Variants in GIGYF2 observed in about 807,000 individuals in gnomAD.
The protein encoded by GIGYF2 is GRB10 interacting GYF protein 2.
Under a neutral mutation model 208.1 loss-of-function variants are expected in GIGYF2, and 25 were observed. The observed-to-expected ratio is 0.12, with a 90% CI of 0.09 to 0.17. The LOEUF is 0.17. Ranked by LOEUF, GIGYF2 falls within the 10% of genes least tolerant of loss-of-function variation. The probability of loss-of-function intolerance (pLI) is 1.00; values close to 1 mark genes in which losing one functional copy is unlikely to be tolerated. For synonymous variants in GIGYF2, 534 were observed against 543.8 expected, an observed-to-expected ratio of 0.98 and a Z score of 0.25; for missense variants, 1,302 against 1,579.4, an observed-to-expected ratio of 0.82 and a Z score of 2.98.
At chr2:232,788,524 C>T (rs768526539) in intron 9 of GIGYF2, 10 of 468,176 alleles carry the variant, frequency 2.1e-5, no homozygotes, top group Non-Finnish European at 4.0e-5. Flanking sequence ...AACAAGCATT[C>T]AGTGAAGAAT....
intron 3 of GIGYF2, among the ~76,000 whole-genome samples, 197 bp from the exon 4 acceptor site, chr2:232,747,418 T>C (rs1698185643): frequency 6.6e-6 from 1 of 152,212 alleles, no homozygotes; most frequent in Non-Finnish European, 1.5e-5. Context: ...CATGGTTGTC[T>C]AGTTATCTCT....
At chr2:232,838,969 A>C (rs897221454) in intron 22 of GIGYF2, among the ~76,000 whole-genome samples, 1 of 152,018 alleles carries the variant, frequency 6.6e-6, no homozygotes, top group Non-Finnish European at 1.5e-5. Flanking sequence ...AACTGTTTAT[A>C]CCTTTTATCC....
chr2:232,852,438 G>A (rs541668739), intron 28 of GIGYF2, among the ~76,000 whole-genome samples: 4 of 152,240 alleles, frequency 2.6e-5, no homozygotes, highest in African/African-American at 7.2e-5. Context: ...CCAGCTACTC[G>A]GGAAGCTGAG....
intron 21 of GIGYF2, among the ~76,000 whole-genome samples, chr2:232,821,430 C>G (rs1486455177): frequency 6.6e-6 from 1 of 152,224 alleles, no homozygotes; most frequent in Non-Finnish European, 1.5e-5. Context: ...GAACTCCTGA[C>G]CTCAGGTGAT....
At chr2:232,800,918 C>T (rs73102286) in intron 14 of GIGYF2, among the ~76,000 whole-genome samples, 14,444 of 151,586 alleles carry the variant, frequency 0.095, 956 homozygotes, top group East Asian at 0.18. Context: ...TGCTCTGTCA[C>T]GCAGTCTGCA....
At chr2:232,811,855 TATTGTCTC>T (rs1158068716) in intron 17 of GIGYF2, among the ~76,000 whole-genome samples, 1 of 152,232 alleles carries the variant, frequency 6.6e-6, no homozygotes, top group Non-Finnish European at 1.5e-5. Flanking sequence ...TTAAAAATCT[TATTGTCTC>T]ATTAAGCCAA....
At chr2:232,795,407 G>T (rs1700195029) in intron 13 of GIGYF2, among the ~76,000 whole-genome samples, 1 of 152,176 alleles carries the variant, frequency 6.6e-6, no homozygotes, top group Non-Finnish European at 1.5e-5. Flanking sequence ...TTCTACGAAA[G>T]AATTTCTCTT....
intron 25 of GIGYF2, 111 bp from the exon 26 acceptor site, chr2:232,845,621 T>G: frequency 1.0e-6 from 1 of 955,268 alleles, no homozygotes; most frequent in Non-Finnish European, 1.7e-6. Context: ...AGCATTGGAT[T>G]ATTTACTGGG....
At chr2:232,745,703 G>A (rs1189188682) in intron 3 of GIGYF2, among the ~76,000 whole-genome samples, 2 of 152,110 alleles carry the variant, frequency 1.3e-5, no homozygotes, top group Admixed American at 6.6e-5. Flanking sequence ...AGGAATGAAA[G>A]AATATAATCA....
chr2:232,836,350 T>G lies in GIGYF2; in HGVS notation c.2766+3257T>G, dbSNP rs373497031. Among the ~76,000 whole-genome samples the G allele has an allele frequency of 6.9e-4, 15 of 21,700 alleles. 1 individual carries two copies. The East Asian group carries it at 8.3e-3, about 12-fold the overall frequency. The allele number at this position is 21,700 out of a possible 152,430, so 14.2% of individuals were successfully genotyped here. Reference sequence around the variant, plus strand: ...TATATACATATATATACTTATATATTTATATATATAAATATAAATATATAT... The same window carrying G: ...TATATACATATATATACTTATATATGTATATATATAAATATAAATATATAT... On this transcript the variant is annotated intron_variant, in intron 22 of 28. Coordinates refer to ENST00000373563, the MANE Select transcript of GIGYF2 (RefSeq NM_001103146.3).
In GIGYF2 at chr2:232,774,569, A is replaced by G. The variant is rs187670936; in HGVS notation, c.533-12581A>G. Among the ~76,000 whole-genome samples the G allele has an allele frequency of 2.0e-5, 3 of 152,328 alleles. No homozygotes were observed. In the East Asian group the frequency reaches 5.8e-4, roughly 29 times the overall value. ...ATTATAAATAAAATTATGATGACAT[A>G]ATAAAAGATTTTGACACATGGAAGA... On this transcript the variant is annotated intron_variant, in intron 8 of 28. Coordinates refer to ENST00000373563, the MANE Select transcript of GIGYF2 (RefSeq NM_001103146.3).
intron 2 of GIGYF2, among the ~76,000 whole-genome samples, chr2:232,707,458 A>G (rs1696171228): frequency 2.0e-5 from 3 of 152,108 alleles, no homozygotes; most frequent in Admixed American, 6.5e-5. Flanking sequence ...AGCCATATCC[A>G]CGGGCTCTCA....
At chr2:232,853,465 G>T (rs1467904496) in intron 28 of GIGYF2, among the ~76,000 whole-genome samples, 1 of 152,160 alleles carries the variant, frequency 6.6e-6, no homozygotes, top group Non-Finnish European at 1.5e-5. Flanking sequence ...AGTAGAGATG[G>T]GGTTTCACCA....
At chr2:232,742,913 G>A (rs1388510485) in intron 3 of GIGYF2, among the ~76,000 whole-genome samples, 1 of 152,182 alleles carries the variant, frequency 6.6e-6, no homozygotes, top group Non-Finnish European at 1.5e-5. Context: ...GCTTTACATG[G>A]TTGTGTATGA....
At chr2:232,757,817 A>G (rs145811648) in intron 6 of GIGYF2, among the ~76,000 whole-genome samples, 32 of 133,308 alleles carry the variant, frequency 2.4e-4, no homozygotes, top group Middle Eastern at 3.7e-3. Flanking sequence ...TGAATGATTG[A>G]ATTTCTCCTT....
chr2:232,785,221 A>G (rs1699873298), intron 8 of GIGYF2, among the ~76,000 whole-genome samples: 1 of 152,210 alleles, frequency 6.6e-6, no homozygotes, highest in Non-Finnish European at 1.5e-5. Context: ...GAGCAAGGTC[A>G]TAGATAATAA....
At chr2:232,829,608 A>T (rs1254356513) in intron 21 of GIGYF2, among the ~76,000 whole-genome samples, 2 of 152,108 alleles carry the variant, frequency 1.3e-5, no homozygotes, top group African/African-American at 4.8e-5. Flanking sequence ...CTTGATCCCG[A>T]GGTCTACTTC....
intron 6 of GIGYF2, among the ~76,000 whole-genome samples, chr2:232,759,132 A>C (rs1283675262): frequency 6.6e-6 from 1 of 152,236 alleles, no homozygotes. Flanking sequence ...TAATATAGTC[A>C]TATAAAAGTA....
chr2:232,799,406 G>A (rs1700322879), intron 14 of GIGYF2, among the ~76,000 whole-genome samples: 1 of 151,578 alleles, frequency 6.6e-6, no homozygotes, highest in Non-Finnish European at 1.5e-5. Flanking sequence ...AAATTAGCTG[G>A]GTGTGGGATG....
Sources: gnomAD v4.1 joint callset for allele counts (sites outside exome capture counted in the v4.1 genomes callset) on GRCh38, gnomAD v4.1.1 for gene constraint, MANE v1.5 for transcripts, NCBI Gene and HGNC (gene_info 2026-07-23, HGNC 2026-07-21) for gene names.